The following TIAM2 variants were observed in gnomAD, a reference collection of about 807,000 sequenced individuals.
TIAM2 encodes the protein TIAM Rac1 associated GEF 2.
In TIAM2, 80 loss-of-function variants were observed where a neutral mutation model predicts 152.9. That is an observed-to-expected ratio of 0.52 (90% CI 0.44 to 0.63). The LOEUF is 0.63. Among genes scored for constraint, TIAM2 ranks in the 30% least tolerant of loss-of-function variants. The pLI, the probability that TIAM2 is intolerant of heterozygous loss-of-function variation, is 0.00. For missense variants in TIAM2, 1,965 were observed against 2,120.1 expected, an observed-to-expected ratio of 0.93 and a Z score of 1.44; for synonymous variants, 804 against 838.0, an observed-to-expected ratio of 0.96 and a Z score of 0.70.
At chr6:155,182,118 C>G in intron 12 of TIAM2, 108 bp from the exon 13 acceptor site, 1 of 852,334 alleles carries the variant, frequency 1.2e-6, no homozygotes, top group South Asian at 1.7e-5. Flanking sequence ...ACTTTCTCAA[C>G]ATACTGTACT....
intron 4 of TIAM2, among the ~76,000 whole-genome samples, chr6:155,136,009 A>C (rs1238503692): frequency 6.6e-6 from 1 of 151,886 alleles, no homozygotes; most frequent in Non-Finnish European, 1.5e-5. Context: ...AGCCTGACCA[A>C]CATGAAGAAA....
intron 17 of TIAM2, 33 bp downstream of exon 17, chr6:155,244,112 T>G (rs573457257): frequency 1.9e-6 from 3 of 1,590,400 alleles, no homozygotes; most frequent in African/African-American, 2.7e-5. Context: ...TGTCCAGTGA[T>G]CCACAGGTTA....
chr6:155,164,131 G>GTTTT (rs1157554795), intron 7 of TIAM2, among the ~76,000 whole-genome samples: 1 of 38,188 alleles, frequency 2.6e-5, no homozygotes, highest in Admixed American at 4.8e-4. Context: ...GCTAATTTTT[G>GTTTT]TGTTTTTTTT....
chr6:155,008,905 G>A (rs538816473), intron 1 of TIAM2, among the ~76,000 whole-genome samples: 7 of 152,210 alleles, frequency 4.6e-5, no homozygotes, highest in Admixed American at 3.9e-4. Flanking sequence ...GTGTTTTGGG[G>A]CAGTTGCTTA....
intron 1 of TIAM2, among the ~76,000 whole-genome samples, chr6:155,047,695 GAGA>G (rs1562300132): frequency 1.3e-5 from 1 of 76,202 alleles, no homozygotes; most frequent in Non-Finnish European, 2.3e-5. Context: ...AGAGGAGAGA[GAGA>G]GAGAGAGCGA....
rs57988099 is a variant in TIAM2 at position 155,111,298 on chromosome 6, TACACACACACACACAC to T, written c.-117-16167_-117-16152del. Among the ~76,000 whole-genome samples the T allele has an allele frequency of 1.2e-3, 169 of 138,440 alleles. 1 individual carries two copies. Among genetic ancestry groups the T allele is most frequent in the South Asian group, 0.011 (49 of 4,452 alleles). 90.8% of individuals were successfully genotyped at this position (138,440 alleles called of 152,430 possible). A position where few individuals can be genotyped will look rare whatever the true frequency, so the allele number is the denominator to read the frequency against. ...GGAAAGTGTCCATATATTCTTGGAA[TACACACACACACACAC>T]ACACACACACACACACACACACACT... On this transcript the variant is annotated intron_variant, in intron 2 of 26. Transcript: ENST00000682666.
In TIAM2 at chr6:155,018,235, C is replaced by CA. The variant is rs1778631878; in HGVS notation, c.-209+22743_-209+22744insA. ...CCTGGGCAACAGAGTGAGACTGTCT[C>CA]GAAAAAAAAAAAGGTGTATATATGT... On this transcript the variant is annotated intron_variant, in intron 1 of 26. Transcript: ENST00000682666. 1.1e-3 allele frequency among the ~76,000 whole-genome samples: 18 copies of CA among 16,736 alleles called. 1 individual carries two copies. The South Asian group carries it at 0.081, about 75-fold the overall frequency. 11.0% of individuals were successfully genotyped at this position (16,736 alleles called of 152,430 possible). A position where few individuals can be genotyped will look rare whatever the true frequency, so the allele number is the denominator to read the frequency against.
chr6:155,172,678 ATATATATATTTTTTTTTTTTT>A (rs1173944324), intron 9 of TIAM2, among the ~76,000 whole-genome samples: 3 of 13,948 alleles, frequency 2.2e-4, no homozygotes, highest in East Asian at 5.3e-3. Flanking sequence ...ATATATATAT[ATATATATATTTTTTTTTTTTT>A]TTTTTTTTTT....
rs565717919 is a variant in TIAM2, at chr6:155,180,707, A to G, written c.2707+1251A>G. 1.1e-4 allele frequency among the ~76,000 whole-genome samples: 17 copies of G among 152,090 alleles called. No individual in the cohort carries two copies. The South Asian group carries it at 3.1e-3, about 28-fold the overall frequency. ...AACCTCCGCCTCCTGGGTTCAAGCA[A>G]TTCTCCCTGCCTCAGCCTCCCAAGT... On this transcript the variant is annotated intron_variant, in intron 12 of 26. Coordinates refer to ENST00000682666, the MANE Select transcript of TIAM2 (RefSeq NM_012454.4).
chr6:155,050,762 C>T (rs573178222), intron 1 of TIAM2, among the ~76,000 whole-genome samples: 1 of 152,314 alleles, frequency 6.6e-6, no homozygotes, highest in Admixed American at 6.5e-5. Context: ...TCTGCTTTTA[C>T]AGTGGTGTCT....
At chr6:155,149,776 A>G (rs555790242) in intron 7 of TIAM2, among the ~76,000 whole-genome samples, 2 of 152,188 alleles carry the variant, frequency 1.3e-5, no homozygotes, top group African/African-American at 4.8e-5. Context: ...TACAAAAATT[A>G]TCTGGGCACG....
chr6:155,029,424 T>C (rs1279698896), intron 1 of TIAM2, among the ~76,000 whole-genome samples: 1 of 10,836 alleles, frequency 9.2e-5, no homozygotes, highest in African/African-American at 2.8e-4. Flanking sequence ...ATACTATATA[T>C]ACTATAGTAT....
chr6:155,047,710 AGAGAGAGAGAGAGAGC>A (rs1304175132), intron 1 of TIAM2, among the ~76,000 whole-genome samples: 50 of 132,904 alleles, frequency 3.8e-4, no homozygotes, highest in African/African-American at 9.1e-4. Flanking sequence ...AGAGAGCGAG[AGAGAGAGAGAGAGAGC>A]GAGAGAGAGA....
intron 2 of TIAM2, among the ~76,000 whole-genome samples, chr6:155,111,817 G>C (rs896501457): frequency 1.1e-4 from 17 of 152,002 alleles, no homozygotes; most frequent in African/African-American, 4.1e-4. Flanking sequence ...TGATCCCTCT[G>C]TCCTTCCCGC....
intron 7 of TIAM2, among the ~76,000 whole-genome samples, chr6:155,150,020 A>T (rs1779916421): frequency 6.6e-6 from 1 of 152,106 alleles, no homozygotes; most frequent in Admixed American, 6.6e-5. Context: ...AGAATTTGGA[A>T]TAATGTATCA....
At chr6:155,035,569 A>G (rs1332180575) in intron 1 of TIAM2, among the ~76,000 whole-genome samples, 1 of 152,186 alleles carries the variant, frequency 6.6e-6, no homozygotes. Context: ...TGCAAACACC[A>G]TCTTATTCCT....
chr6:155,218,320 G>C lies in TIAM2; in HGVS notation c.3168+7013G>C, dbSNP rs1015448885. 3.9e-5 allele frequency among the ~76,000 whole-genome samples: 6 copies of C among 152,184 alleles called. No homozygotes were observed. The highest frequency in any genetic ancestry group is 7.3e-5 in the Non-Finnish European group (5 of 68,030). On this transcript the variant is annotated intron_variant, in intron 15 of 26. Coordinates refer to ENST00000682666, the MANE Select transcript of TIAM2 (RefSeq NM_012454.4). The surrounding 1 kb of genome is among the most constrained non-coding windows in gnomAD (Gnocchi z 4.5). ...ACGCTTTGTCCCTGAAAAATGGTTT[G>C]GGGTGTGGCAGTCTCCAGCAGGAAG... is the stretch of plus-strand genomic sequence containing the variant.
intron 1 of TIAM2, among the ~76,000 whole-genome samples, chr6:155,071,943 T>C (rs1777848995): frequency 6.6e-6 from 1 of 151,890 alleles, no homozygotes; most frequent in Non-Finnish European, 1.5e-5. Context: ...TTATCTCTGT[T>C]ATGTGTTGTT....
rs372424133 is a variant in TIAM2, at chr6:155,062,840, G to A, written c.-208-27449G>A. Among the ~76,000 whole-genome samples, 14 of 152,216 alleles carry A rather than the reference G, an allele frequency of 9.2e-5. No individual in the cohort carries two copies. In the South Asian group the frequency reaches 1.7e-3, roughly 18 times the overall value. ...TCCACCCGCCTCAGCCTCCCAAAGT[G>A]CTGGGATTACAGGCGTGAGCCACCA... On this transcript the variant is annotated intron_variant, in intron 1 of 26. Coordinates refer to ENST00000682666, the MANE Select transcript of TIAM2 (RefSeq NM_012454.4).
Sources: gnomAD v4.1 joint callset for allele counts (sites outside exome capture counted in the v4.1 genomes callset) on GRCh38, gnomAD v4.1.1 for gene constraint, Gnocchi (gnomAD v3.1) non-coding constraint, MANE v1.5 for transcripts, NCBI Gene and HGNC (gene_info 2026-07-23, HGNC 2026-07-21) for gene names.